The following PDZK1 variants were observed in gnomAD, a reference collection of about 807,000 sequenced individuals.
PDZK1 encodes Na(+)/H(+) exchange regulatory cofactor NHE-RF3.
A neutral mutation model predicts 38.1 loss-of-function variants in PDZK1; 23 were observed. The ratio of observed to expected loss-of-function variants is 0.60; its 90% CI spans 0.43 to 0.85. PDZK1 has a LOEUF of 0.85. PDZK1 is among the 40% of genes least tolerant of loss of function. PDZK1 has a pLI of 0.00. For missense variants in PDZK1, 297 were observed against 504.3 expected, an observed-to-expected ratio of 0.59 and a Z score of 3.94; for synonymous variants, 98 against 186.2, an observed-to-expected ratio of 0.53 and a Z score of 3.86.
chr1:145,689,074 AAGGGATTCC>A (rs1655035095), intron 1 of PDZK1, among the ~76,000 whole-genome samples: 1 of 152,094 alleles, frequency 6.6e-6, no homozygotes, highest in African/African-American at 2.4e-5. Flanking sequence ...CTCGATAGAA[AAGGGATTCC>A]AGTGGCTAGG....
At chr1:145,691,643 G>T (rs1655240130) in intron 1 of PDZK1, 2 of 152,142 alleles carry the variant, frequency 1.3e-5, no homozygotes, top group African/African-American at 2.4e-5. Flanking sequence ...AGCAGGCTTT[G>T]TTCCCCAGTT....
At chr1:145,671,580 A>AGAG (rs1553697875) in intron 8 of PDZK1, 91 bp from the exon 9 acceptor site, 3 of 677,106 alleles carry the variant, frequency 4.4e-6, no homozygotes, top group Non-Finnish European at 7.6e-6. Flanking sequence ...GTCGGGGAGT[A>AGAG]GAGTCACTCA....
intron 1 of PDZK1, among the ~76,000 whole-genome samples, chr1:145,702,050 A>C (rs1553705057): frequency 2.6e-5 from 4 of 152,208 alleles, no homozygotes; most frequent in Non-Finnish European, 5.9e-5. Context: ...GGTCTTAGCC[A>C]GGGATAAATT....
In PDZK1 at chr1:145,700,460, GGAGT is replaced by G. The variant is rs1341700015; in HGVS notation, c.-3+6853_-3+6856del. ...AGGAACAGACAGCAGTGGAGAAGATGGAGTGAGTGAAGCATTACCTTAGCTATAG... is the reference window on the plus strand; with the variant it reads ...AGGAACAGACAGCAGTGGAGAAGATGGAGTGAAGCATTACCTTAGCTATAG... On this transcript the variant is annotated intron_variant, in intron 1 of 8. Transcript: ENST00000417171. 8.5e-5 allele frequency among the ~76,000 whole-genome samples: 13 copies of G among 152,246 alleles called. No homozygotes were observed. The East Asian group carries it at 2.5e-3, about 29-fold the overall frequency.
intron 1 of PDZK1, among the ~76,000 whole-genome samples, chr1:145,704,754 C>T (rs1553705467): frequency 1.3e-5 from 2 of 152,194 alleles, no homozygotes; most frequent in Non-Finnish European, 1.5e-5. Flanking sequence ...CTAGCTCCAG[C>T]TTGCCACTCT....
At chr1:145,698,826 G>A (rs1209821892) in intron 1 of PDZK1, among the ~76,000 whole-genome samples, 3 of 152,054 alleles carry the variant, frequency 2.0e-5, no homozygotes, top group African/African-American at 7.2e-5. Flanking sequence ...CATATACTCC[G>A]GAGGCTGAGA....
At chr1:145,696,003 C>T (rs748803730) in intron 1 of PDZK1, among the ~76,000 whole-genome samples, 1 of 152,188 alleles carries the variant, frequency 6.6e-6, no homozygotes, top group African/African-American at 2.4e-5. Flanking sequence ...GTGCAGCACC[C>T]AGTGTCAGGG....
At chr1:145,686,449 C>A in intron 3 of PDZK1, 28 bp downstream of exon 3, 1 of 1,601,398 alleles carries the variant, frequency 6.2e-7, no homozygotes, top group Non-Finnish European at 8.5e-7. Flanking sequence ...CTGCCCCTGC[C>A]TCCCCCTGCT....
At chr1:145,689,589 G>A (rs1655073051) in intron 1 of PDZK1, among the ~76,000 whole-genome samples, 1 of 152,208 alleles carries the variant, frequency 6.6e-6, no homozygotes, top group Non-Finnish European at 1.5e-5. Context: ...ACAGGGGCCA[G>A]AACAGCAAGA....
Position 145,672,842 on chromosome 1 carries a change from G to T in PDZK1, c.1394C>A (p.Ala465Asp). Residue 465 changes from alanine to aspartate, a missense_variant, in exon 8 of 9, where the codon GCT becomes GAT. Ala to Asp is a moderately radical substitution (Grantham distance 126). Transcript: ENST00000417171. ...CGKKAYDYFQ[A>D]KKIPIVSSLA... ...GGAGGAAACAATAGGGATTTTCTTA[G>T]CTTGGAAATAATCATAGGCCTTCTT... is the stretch of plus-strand genomic sequence containing the variant. 1.2e-6 allele frequency: 2 copies of T among 1,611,228 alleles called. No individual in the cohort carries two copies. The highest frequency in any genetic ancestry group is 1.7e-6 in the Non-Finnish European group (2 of 1,179,446).
At chr1:145,703,137 G>A (rs1287635030) in intron 1 of PDZK1, among the ~76,000 whole-genome samples, 3 of 152,074 alleles carry the variant, frequency 2.0e-5, no homozygotes, top group Non-Finnish European at 2.9e-5. Flanking sequence ...GATTATATAC[G>A]AATCCTTCCA....
rs587679549 is a variant in PDZK1, at chr1:145,686,430, G to A, written c.460+47C>T. 2.6e-6 allele frequency: 4 copies of A among 1,517,676 alleles called. No homozygotes were observed. In the Admixed American group the frequency reaches 6.5e-5, roughly 25 times the overall value. The allele number at this position is 1,517,676 out of a possible 1,614,324, so 94.0% of individuals were successfully genotyped here. ...AGCATCTTTGTTCTGGAAGCCTGTT[G>A]TCTGTGCCCTGCCCCTGCCTCCCCC... On this transcript the variant is annotated intron_variant, in intron 3 of 8. Coordinates refer to ENST00000417171, the MANE Select transcript of PDZK1 (RefSeq NM_001201325.2).
intron 3 of PDZK1, 71 bp from the exon 4 acceptor site, chr1:145,682,707 T>C (rs1251062083): frequency 2.9e-6 from 4 of 1,374,256 alleles, no homozygotes; most frequent in African/African-American, 1.4e-5. Context: ...ATCTGTGATG[T>C]TGACTTCTGA....
intron 1 of PDZK1, among the ~76,000 whole-genome samples, chr1:145,696,732 CTG>C (rs1553704200): frequency 1.3e-5 from 2 of 152,146 alleles, no homozygotes; most frequent in African/African-American, 2.4e-5. Flanking sequence ...CCCACCCAGG[CTG>C]TGTGTTTGAA....
chr1:145,680,744 A>T (rs1553700162), intron 5 of PDZK1, among the ~76,000 whole-genome samples, 168 bp downstream of exon 5: 2 of 147,868 alleles, frequency 1.4e-5, no homozygotes, highest in African/African-American at 5.0e-5. Flanking sequence ...GAAACTTTTG[A>T]TGCCCAACAT....
chr1:145,702,190 T>C (rs1470622146), intron 1 of PDZK1, among the ~76,000 whole-genome samples: 2 of 152,188 alleles, frequency 1.3e-5, no homozygotes, highest in African/African-American at 4.8e-5. Flanking sequence ...CAAAGTTCAT[T>C]TGGCCTGCTG....
chr1:145,685,795 C>T (rs762161104), intron 3 of PDZK1, among the ~76,000 whole-genome samples: 10 of 152,210 alleles, frequency 6.6e-5, no homozygotes, highest in Non-Finnish European at 1.3e-4. Context: ...ACAGGTTAGT[C>T]TGCACCTCTG....
intron 1 of PDZK1, among the ~76,000 whole-genome samples, chr1:145,701,184 A>G (rs880279): frequency 0.17 from 25,771 of 151,434 alleles, 2,264 homozygotes; most frequent in African/African-American, 0.19. Context: ...CAACCTGGGC[A>G]ACAGAGCGAG....
intron 3 of PDZK1, among the ~76,000 whole-genome samples, chr1:145,685,966 G>A (rs370050151): frequency 4.6e-5 from 7 of 152,198 alleles, no homozygotes; most frequent in African/African-American, 9.6e-5. Flanking sequence ...AAATTTTTGC[G>A]GTATTCTCAG....
Sources: gnomAD v4.1 joint callset for allele counts (sites outside exome capture counted in the v4.1 genomes callset) on GRCh38, gnomAD v4.1.1 for gene constraint, MANE v1.5 for transcripts, NCBI Gene and HGNC (gene_info 2026-07-23, HGNC 2026-07-21) for gene names.